Variants in SMPX observed in about 807,000 individuals in gnomAD.
The protein encoded by SMPX is small muscular protein.
A neutral mutation model predicts 6.3 loss-of-function variants in SMPX; 2 were observed. The ratio of observed to expected loss-of-function variants is 0.32; its 90% CI spans 0.13 to 0.99. SMPX has a LOEUF of 0.99. Among genes scored for constraint, SMPX ranks in the 50% least tolerant of loss-of-function variants. The pLI, the probability that SMPX is intolerant of heterozygous loss-of-function variation, is 0.49. For missense variants in SMPX, 60 were observed against 66.8 expected, an observed-to-expected ratio of 0.90 and a Z score of 0.36; for synonymous variants, 32 against 24.7, an observed-to-expected ratio of 1.30 and a Z score of -0.88.
intron 4 of SMPX, among the ~76,000 whole-genome samples, chrX:21,708,015 C>T (rs1473876910): frequency 1.8e-5 from 2 of 112,928 alleles, no homozygotes; most frequent in Admixed American, 1.9e-4. Context: ...TATGGTGCCA[C>T]TTCTTTTCAA....
chrX:21,716,328 C>T (rs1489944499), intron 4 of SMPX, among the ~76,000 whole-genome samples: 2 of 112,112 alleles, frequency 1.8e-5, no homozygotes, highest in Non-Finnish European at 3.8e-5. Flanking sequence ...CAGGCTGGTT[C>T]CAAGGTGGGA....
chrX:21,713,480 A>T (rs1166366972), intron 4 of SMPX, among the ~76,000 whole-genome samples: 2 of 112,310 alleles, frequency 1.8e-5, no homozygotes, highest in African/African-American at 3.2e-5. Flanking sequence ...ACAGTTCCAC[A>T]TGGCTGGGGA....
intron 4 of SMPX, among the ~76,000 whole-genome samples, chrX:21,716,038 T>C (rs1370928380): frequency 8.9e-6 from 1 of 112,093 alleles, no homozygotes; most frequent in East Asian, 2.8e-4. Flanking sequence ...GAAGTATTGC[T>C]GATAAAACAT....
At chrX:21,738,475 G>GA (rs1416899973) in intron 3 of SMPX, among the ~76,000 whole-genome samples, 454 of 102,932 alleles carry the variant, frequency 4.4e-3, no homozygotes, top group Non-Finnish European at 5.6e-3. Flanking sequence ...CATTTATACA[G>GA]AAAAAAAAAA....
At position 21,750,980 on chromosome X, in the gene SMPX, C is replaced by T. The variant is rs192695486; in HGVS notation, c.45+3266G>A. ...TACAGAAAGGTGGACTAAAGGTGAA[C>T]TAACATTGCAGAGATTTGTAACTAT... On this transcript the variant is annotated intron_variant, in intron 2 of 4. Coordinates refer to ENST00000379494, the MANE Select transcript of SMPX (RefSeq NM_014332.3). 2.1e-3 allele frequency among the ~76,000 whole-genome samples: 238 copies of T among 112,394 alleles called. 2 individuals are homozygous for T. The highest frequency in any genetic ancestry group is 7.5e-3 in the African/African-American group (231 of 30,968).
intron 4 of SMPX, among the ~76,000 whole-genome samples, chrX:21,736,479 G>C (rs1488184373): frequency 1.8e-5 from 2 of 112,265 alleles, no homozygotes; most frequent in African/African-American, 6.5e-5. Context: ...GTCTCTCTAA[G>C]ACTCATCTCA....
intron 4 of SMPX, among the ~76,000 whole-genome samples, chrX:21,715,303 TGCGCGCACGCGC>T (rs1479726820): frequency 2.3e-5 from 2 of 86,074 alleles, no homozygotes; most frequent in Non-Finnish European, 4.3e-5. Flanking sequence ...TGTGTGTGTG[TGCGCGCACGCGC>T]GCGCGCTCGC....
intron 2 of SMPX, among the ~76,000 whole-genome samples, chrX:21,746,428 G>A (rs748983922): frequency 4.0e-4 from 45 of 111,134 alleles, no homozygotes; most frequent in Non-Finnish European, 6.8e-4. Flanking sequence ...CTCTTTTCAC[G>A]TGGCCAAAAA....
At chrX:21,753,107 G>T (rs1425576240) in intron 2 of SMPX, among the ~76,000 whole-genome samples, 1 of 112,108 alleles carries the variant, frequency 8.9e-6, no homozygotes, top group Non-Finnish European at 1.9e-5. Context: ...AGGGAAATCA[G>T]AGGCTCACTA....
intron 2 of SMPX, among the ~76,000 whole-genome samples, chrX:21,752,843 C>T (rs2092828975): frequency 9.0e-6 from 1 of 111,509 alleles, no homozygotes; most frequent in Non-Finnish European, 1.9e-5. Context: ...GCATTTTATA[C>T]ATGTAGCCCT....
intron 4 of SMPX, among the ~76,000 whole-genome samples, chrX:21,719,148 A>T (rs1230358598): frequency 8.9e-6 from 1 of 112,239 alleles, no homozygotes; most frequent in African/African-American, 3.2e-5. Context: ...ACTCCTGAGG[A>T]GAGTTTTCCC....
chrX:21,714,201 C>A (rs2092781817), intron 4 of SMPX, among the ~76,000 whole-genome samples: 1 of 111,681 alleles, frequency 9.0e-6, no homozygotes, highest in Non-Finnish European at 1.9e-5. Flanking sequence ...CTGGGTTAAG[C>A]AAAGATAAAC....
intron 4 of SMPX, among the ~76,000 whole-genome samples, chrX:21,731,938 G>A (rs1398398666): frequency 1.8e-5 from 2 of 108,982 alleles, no homozygotes; most frequent in Non-Finnish European, 3.8e-5. Context: ...ATGGAAAATG[G>A]GATATTGAAT....
intron 4 of SMPX, among the ~76,000 whole-genome samples, chrX:21,734,490 C>T (rs1045966967): frequency 8.9e-6 from 1 of 111,775 alleles, no homozygotes; most frequent in African/African-American, 3.3e-5. Context: ...TGCCACTGGT[C>T]CTGCCTCTTC....
rs770239822 is a variant in SMPX at position 21,758,077 on chromosome X, C to T, written c.-148G>A. ...CTCAATTCCGATGCTTTTCATGTGGCTGAAATAGCTCTGTGCCTCTCCCGG... is the reference window on the plus strand; with the variant it reads ...CTCAATTCCGATGCTTTTCATGTGGTTGAAATAGCTCTGTGCCTCTCCCGG... On this transcript the variant is annotated 5_prime_UTR_variant, in exon 1 of 5. Transcript: ENST00000379494. The T allele has an allele frequency of 1.5e-5, 5 of 327,880 alleles. No homozygotes were observed. The highest frequency in any genetic ancestry group is 1.3e-4 in the South Asian group (5 of 38,294). 27.0% of individuals were successfully genotyped at this position (327,880 alleles called of 1,213,427 possible).
intron 4 of SMPX, among the ~76,000 whole-genome samples, chrX:21,726,852 G>A (rs2092797481): frequency 8.9e-6 from 1 of 112,696 alleles, no homozygotes; most frequent in Non-Finnish European, 1.9e-5. Context: ...GAATAGCAAA[G>A]CCAGGGTATA....
At chrX:21,757,249 ATGTTC>A (rs2092833979) in intron 1 of SMPX, among the ~76,000 whole-genome samples, 1 of 111,605 alleles carries the variant, frequency 9.0e-6, no homozygotes, top group Non-Finnish European at 1.9e-5. Flanking sequence ...GTGTAGAAAG[ATGTTC>A]AGCTGTCTGA....
At chrX:21,715,426 G>GC (rs1238617963) in intron 4 of SMPX, among the ~76,000 whole-genome samples, 1 of 111,279 alleles carries the variant, frequency 9.0e-6, no homozygotes, top group Non-Finnish European at 1.9e-5. Flanking sequence ...AGCCCAGGCT[G>GC]CCCCAAACCA....
intron 4 of SMPX, among the ~76,000 whole-genome samples, chrX:21,735,983 A>G (rs1346623822): frequency 9.0e-6 from 1 of 111,413 alleles, no homozygotes; most frequent in African/African-American, 3.3e-5. Context: ...GCTCACATCA[A>G]TTTGTCCCCA....
Sources: gnomAD v4.1 joint callset for allele counts (sites outside exome capture counted in the v4.1 genomes callset) on GRCh38, gnomAD v4.1.1 for gene constraint, MANE v1.5 for transcripts, NCBI Gene and HGNC (gene_info 2026-07-23, HGNC 2026-07-21) for gene names.